Variants in OPRD1 observed in about 807,000 individuals in gnomAD.
The protein encoded by OPRD1 is opioid receptor delta 1.
Under a neutral mutation model 17.5 loss-of-function variants are expected in OPRD1, and 19 were observed. The observed-to-expected ratio is 1.09, with a 90% CI of 0.76 to 1.60. OPRD1 has a LOEUF of 1.60. OPRD1 is among the 40% of genes most tolerant of loss of function. The pLI is 0.00. For synonymous variants in OPRD1, 256 were observed against 240.9 expected, an observed-to-expected ratio of 1.06 and a Z score of -0.58; for missense variants, 483 against 547.2, an observed-to-expected ratio of 0.88 and a Z score of 1.17.
chr1:28,839,098 T>G (rs1215116280), intron 1 of OPRD1, among the ~76,000 whole-genome samples: 1 of 152,164 alleles, frequency 6.6e-6, no homozygotes, highest in East Asian at 1.9e-4. Flanking sequence ...AATAAATTAC[T>G]GCAGACTTGA....
intron 1 of OPRD1, among the ~76,000 whole-genome samples, chr1:28,814,120 C>T (rs1261663545): frequency 6.6e-6 from 1 of 152,018 alleles, no homozygotes; most frequent in South Asian, 2.1e-4. Flanking sequence ...GAGAATTCCC[C>T]CCAAGCACAG....
intron 1 of OPRD1, among the ~76,000 whole-genome samples, chr1:28,841,477 G>C (rs2088895929): frequency 6.6e-6 from 1 of 152,234 alleles, no homozygotes; most frequent in African/African-American, 2.4e-5. Flanking sequence ...CCACTTCTTA[G>C]CTGTGTGTTT....
At position 28,812,387 on chromosome 1, in the gene OPRD1, G is replaced by A; in HGVS notation, c.4G>A (p.Glu2Lys). The A allele has an allele frequency of 7.0e-7, 1 of 1,421,038 alleles. No homozygotes were observed. Among genetic ancestry groups the A allele is most frequent in the Non-Finnish European group, 9.1e-7 (1 of 1,094,500 alleles). The allele number at this position is 1,421,038 out of a possible 1,614,324, so 88.0% of individuals were successfully genotyped here. A position where few individuals can be genotyped will look rare whatever the true frequency, so the allele number is the denominator to read the frequency against. The part of the protein sequence containing the change: M[E>K]PAPSAGAELQ... ...GCGGCGGAGCCGGCCGGCAGCCATG[G>A]AACCGGCCCCCTCCGCCGGCGCCGA... is the stretch of plus-strand genomic sequence containing the variant. The change falls in exon 1 of 3, where the codon GAA (glutamate) becomes AAA (lysine). Residue 2 changes from glutamate (E) to lysine (K), a missense_variant. Glu to Lys is a moderately conservative substitution (Grantham distance 56). Coordinates refer to ENST00000234961, the MANE Select transcript of OPRD1 (RefSeq NM_000911.4).
In OPRD1 at chr1:28,862,855, G is replaced by A. The variant is rs377388458; in HGVS notation, c.691G>A (p.Val231Met). Reference protein sequence around the residue: ...AFVVPILIITVCYGLMLLRLR... With the variant: ...AFVVPILIITMCYGLMLLRLR... Reference sequence around the variant, plus strand: ...CGTGGTGCCCATCCTCATCATCACCGTGTGCTATGGCCTCATGCTGCTGCG... The same window carrying A: ...CGTGGTGCCCATCCTCATCATCACCATGTGCTATGGCCTCATGCTGCTGCG... The change falls in exon 3 of 3, where the codon GTG becomes ATG. Residue 231 changes from valine (V) to methionine (M), a missense_variant. By Grantham distance (21) the Val-to-Met change is conservative (BLOSUM62 1). Transcript: ENST00000234961. The A allele has an allele frequency of 1.4e-5, 23 of 1,612,616 alleles. No individual in the cohort carries two copies. The Admixed American group carries it at 3.0e-4, about 21-fold the overall frequency.
At chr1:28,862,225 C>G (rs2089130261) in intron 2 of OPRD1, among the ~76,000 whole-genome samples, 1 of 152,088 alleles carries the variant, frequency 6.6e-6, no homozygotes, top group Non-Finnish European at 1.5e-5. Context: ...CCGCCTTAGC[C>G]TATTTAATCC....
chr1:28,845,168 C>G (rs1316261640), intron 1 of OPRD1, among the ~76,000 whole-genome samples: 2 of 151,586 alleles, frequency 1.3e-5, no homozygotes, highest in African/African-American at 4.9e-5. Flanking sequence ...TATGGTGAAA[C>G]CCCGTCTCTA....
At position 28,858,986 on chromosome 1, in the gene OPRD1, A is replaced by G; in HGVS notation, c.260A>G (p.Tyr87Cys). Residue 87 changes from tyrosine to cysteine, a missense_variant, in exon 2 of 3, where the codon TAC (tyrosine) becomes TGC (cysteine). Physicochemically the swap from Tyr to Cys is radical, Grantham distance 194 (BLOSUM62 -2). Transcript: ENST00000234961. ...YTKMKTATNI[Y>C]IFNLALADAL... Reference sequence around the variant, plus strand: ...AAGATGAAGACGGCCACCAACATCTACATCTTCAACCTGGCCTTAGCCGAT... The same window carrying G: ...AAGATGAAGACGGCCACCAACATCTGCATCTTCAACCTGGCCTTAGCCGAT... 1.2e-6 allele frequency: 2 copies of G among 1,613,104 alleles called. No individual in the cohort carries two copies. The highest frequency in any genetic ancestry group is 1.7e-6 in the Non-Finnish European group (2 of 1,179,952).
chr1:28,836,489 G>A (rs573418875), intron 1 of OPRD1, among the ~76,000 whole-genome samples: 3 of 139,780 alleles, frequency 2.1e-5, no homozygotes, highest in East Asian at 4.2e-4. Context: ...CAGCCTGGGC[G>A]ACAGAGCGAG....
chr1:28,831,327 T>C (rs1196397399), intron 1 of OPRD1, among the ~76,000 whole-genome samples: 2 of 152,090 alleles, frequency 1.3e-5, no homozygotes, highest in Non-Finnish European at 2.9e-5. Context: ...CTGGCCAACA[T>C]GGTGAAACAC....
At position 28,863,370 on chromosome 1, in the gene OPRD1, G is replaced by A. The variant is rs1355552028; in HGVS notation, c.*87G>A. On this transcript the variant is annotated 3_prime_UTR_variant, in exon 3 of 3. Transcript: ENST00000234961. ...TGGGAGGCGCGAGCCATGATGTGGA[G>A]TGGGGCAGTAGAAGGTCGGAGGCTT... 3 of 1,349,470 alleles carry A rather than the reference G, an allele frequency of 2.2e-6. No homozygotes were observed. The African/African-American group carries it at 4.6e-5, about 21-fold the overall frequency. The allele number at this position is 1,349,470 out of a possible 1,614,324, so 83.6% of individuals were successfully genotyped here. A position where few individuals can be genotyped will look rare whatever the true frequency, so the allele number is the denominator to read the frequency against.
At chr1:28,848,639 C>A (rs1001749844) in intron 1 of OPRD1, among the ~76,000 whole-genome samples, 1 of 152,316 alleles carries the variant, frequency 6.6e-6, no homozygotes, top group Admixed American at 6.5e-5. Context: ...GATGAGTGAG[C>A]AAACCCCAGT....
intron 1 of OPRD1, among the ~76,000 whole-genome samples, chr1:28,857,659 T>C (rs1308136051): frequency 1.3e-5 from 2 of 151,956 alleles, no homozygotes; most frequent in African/African-American, 4.8e-5. Context: ...TTATTATTAT[T>C]GTTATTTGTA....
At chr1:28,816,780 G>A (rs140894924) in intron 1 of OPRD1, among the ~76,000 whole-genome samples, 6 of 152,078 alleles carry the variant, frequency 3.9e-5, no homozygotes, top group South Asian at 4.2e-4. Flanking sequence ...CCCTTCCTCC[G>A]GGCAGAGTCA....
intron 1 of OPRD1, among the ~76,000 whole-genome samples, chr1:28,834,622 C>T (rs182912626): frequency 6.6e-6 from 1 of 152,132 alleles, no homozygotes; most frequent in Non-Finnish European, 1.5e-5. Flanking sequence ...TCAAGTGATC[C>T]TCCCACCTCG....
At chr1:28,826,957 C>G (rs1031738249) in intron 1 of OPRD1, among the ~76,000 whole-genome samples, 7 of 152,216 alleles carry the variant, frequency 4.6e-5, no homozygotes, top group Non-Finnish European at 8.8e-5. Context: ...GTCATTTCAA[C>G]AAAGTTCACA....
At chr1:28,861,745 G>A (rs2147751690) in intron 2 of OPRD1, among the ~76,000 whole-genome samples, 1 of 151,778 alleles carries the variant, frequency 6.6e-6, no homozygotes, top group Admixed American at 6.6e-5. Flanking sequence ...TGCCTGGCCA[G>A]GAGGTTCTTG....
At chr1:28,816,048 A>C (rs2088669667) in intron 1 of OPRD1, among the ~76,000 whole-genome samples, 1 of 152,212 alleles carries the variant, frequency 6.6e-6, no homozygotes, top group Non-Finnish European at 1.5e-5. Flanking sequence ...AATGTGTGAT[A>C]TCTGAGCCTT....
At chr1:28,830,321 G>A (rs1001071020) in intron 1 of OPRD1, among the ~76,000 whole-genome samples, 3 of 151,812 alleles carry the variant, frequency 2.0e-5, no homozygotes, top group Non-Finnish European at 4.4e-5. Flanking sequence ...CCAGGAGTTC[G>A]AGACCAGCCC....
At chr1:28,842,348 C>T (rs576822430) in intron 1 of OPRD1, among the ~76,000 whole-genome samples, 6 of 152,336 alleles carry the variant, frequency 3.9e-5, no homozygotes, top group South Asian at 2.1e-4. Flanking sequence ...GGCATTTAGA[C>T]GTCGGCCGCT....
Sources: allele counts gnomAD v4.1 joint callset (sites outside exome capture counted in the v4.1 genomes callset), GRCh38; gene constraint gnomAD v4.1.1; transcripts MANE v1.5; gene names NCBI Gene and HGNC (gene_info 2026-07-23, HGNC 2026-07-21).